Variants in EDA observed in about 807,000 individuals in gnomAD.
EDA encodes ectodysplasin-A.
EDA carries 2 observed loss-of-function variants against 23.6 expected under a neutral mutation model. That is an observed-to-expected ratio of 0.08 (90% confidence interval 0.03 to 0.27). EDA has a LOEUF of 0.27. Ranked by LOEUF, EDA falls within the 10% of genes least tolerant of loss-of-function variation. The pLI, the probability that EDA is intolerant of heterozygous loss-of-function variation, is 1.00. For missense variants in EDA, 229 were observed against 324.2 expected, an observed-to-expected ratio of 0.71 and a Z score of 2.26; for synonymous variants, 131 against 132.0, an observed-to-expected ratio of 0.99 and a Z score of 0.05.
chrX:69,962,560 T>G (rs1368322470), intron 2 of EDA, among the ~76,000 whole-genome samples: 2 of 111,171 alleles, frequency 1.8e-5, no homozygotes, highest in African/African-American at 6.5e-5. Flanking sequence ...GCCTCCCAAG[T>G]AGCTGGGATT....
chrX:69,892,759 CATGGTAACA>C (rs1229207443), intron 1 of EDA, among the ~76,000 whole-genome samples: 1 of 111,822 alleles, frequency 8.9e-6, no homozygotes, highest in Non-Finnish European at 1.9e-5. Flanking sequence ...TGCATTCTCA[CATGGTAACA>C]ATGGGCTGGA....
At chrX:69,738,836 T>C (rs1012128515) in intron 1 of EDA, among the ~76,000 whole-genome samples, 4 of 110,801 alleles carry the variant, frequency 3.6e-5, no homozygotes, top group African/African-American at 9.8e-5. Context: ...TTTTATTCCA[T>C]TGTAGTCAGA....
At chrX:69,892,268 T>G (rs1255312364) in intron 1 of EDA, among the ~76,000 whole-genome samples, 2 of 112,173 alleles carry the variant, frequency 1.8e-5, no homozygotes, top group Non-Finnish European at 3.8e-5. Context: ...TTGCTCTATG[T>G]AAACTAATAT....
chrX:69,636,632 G>GTT lies in EDA; in HGVS notation c.396+19944_396+19945dup, dbSNP rs200303089. Among the ~76,000 whole-genome samples the GTT allele has an allele frequency of 1.3e-3, 117 of 89,398 alleles. 1 individual carries two copies. The highest frequency in any genetic ancestry group is 3.3e-3 in the African/African-American group (81 of 24,647). The allele number at this position is 89,398 out of a possible 115,157, so 77.6% of individuals were successfully genotyped here. A position where few individuals can be genotyped will look rare whatever the true frequency, so the allele number is the denominator to read the frequency against. ...CCATAGGTGCTCAAACTGGTTCATG[G>GTT]TTTTTTTTTTTTTTTTTGATGCTCA... On this transcript the variant is annotated intron_variant, in intron 1 of 7. Transcript: ENST00000374552.
At chrX:69,785,213 A>G (rs2015114490) in intron 1 of EDA, among the ~76,000 whole-genome samples, 1 of 95,949 alleles carries the variant, frequency 1.0e-5, no homozygotes. Flanking sequence ...GGGGTTTTCT[A>G]GATATACAAT....
intron 1 of EDA, among the ~76,000 whole-genome samples, chrX:69,861,441 A>G (rs1024352263): frequency 2.7e-5 from 3 of 111,328 alleles, no homozygotes; most frequent in Non-Finnish European, 3.8e-5. Flanking sequence ...AAGTAATAGG[A>G]GTGAAGGGGA....
At chrX:69,642,121 G>T (rs1348780116) in intron 1 of EDA, among the ~76,000 whole-genome samples, 5 of 110,808 alleles carry the variant, frequency 4.5e-5, no homozygotes, top group Non-Finnish European at 7.6e-5. Context: ...GGAGGAAGAG[G>T]AGGAGGAGGA....
intron 1 of EDA, among the ~76,000 whole-genome samples, chrX:69,901,606 T>G (rs2018099779): frequency 8.9e-6 from 1 of 111,826 alleles, no homozygotes; most frequent in South Asian, 3.8e-4. Context: ...ATTAGGGCTA[T>G]TTGGGGTTCA....
chrX:69,866,721 C>T (rs2017491360), intron 1 of EDA, among the ~76,000 whole-genome samples: 3 of 111,782 alleles, frequency 2.7e-5, no homozygotes, highest in South Asian at 3.8e-4. Flanking sequence ...GCATTGTAAT[C>T]GTGACTTCAA....
rs760341941 is a variant in EDA, at chrX:69,873,434, A to G, written c.397-83593A>G. On this transcript the variant is annotated intron_variant, in intron 1 of 7. Coordinates refer to ENST00000374552, the MANE Select transcript of EDA (RefSeq NM_001399.5). ...AAATGAAATTGAAACAAACAAAAAA[A>G]ATACAAAAGATAAATGAAACAAAAA... Among the ~76,000 whole-genome samples the G allele has an allele frequency of 5.3e-5, 6 of 112,496 alleles. No homozygotes were observed. In the South Asian group the frequency reaches 1.8e-3, roughly 34 times the overall value.
chrX:69,981,361 T>A (rs2019405318), intron 2 of EDA, among the ~76,000 whole-genome samples: 1 of 111,971 alleles, frequency 8.9e-6, no homozygotes, highest in Admixed American at 9.5e-5. Context: ...GCAGGAAATG[T>A]TTAGTTTGCA....
intron 2 of EDA, among the ~76,000 whole-genome samples, chrX:69,970,010 G>A (rs1426487791): frequency 9.0e-6 from 1 of 111,085 alleles, no homozygotes; most frequent in East Asian, 2.8e-4. Flanking sequence ...AGAGGTTGAG[G>A]CAGGAGGATC....
At chrX:69,620,897 C>T in intron 1 of EDA, 1 of 381,624 alleles carries the variant, frequency 2.6e-6, no homozygotes, top group South Asian at 2.4e-5. Flanking sequence ...CTATAACAGG[C>T]CTGTTTTCCT....
intron 1 of EDA, among the ~76,000 whole-genome samples, chrX:69,750,708 C>T (rs185190078): frequency 2.9e-4 from 32 of 111,241 alleles, no homozygotes; most frequent in East Asian, 2.9e-4. Flanking sequence ...TTTTAATGAT[C>T]GCCATTCTAA....
chrX:69,768,674 G>A (rs921590673), intron 1 of EDA, among the ~76,000 whole-genome samples: 16 of 111,058 alleles, frequency 1.4e-4, no homozygotes, highest in Non-Finnish European at 3.8e-5. Context: ...ACTCATCTAG[G>A]TGCTTTACAT....
intron 2 of EDA, among the ~76,000 whole-genome samples, chrX:69,974,142 T>C (rs2019286081): frequency 9.1e-6 from 1 of 110,140 alleles, no homozygotes; most frequent in Admixed American, 9.8e-5. Flanking sequence ...AAAAGATTAC[T>C]TGAGTGGGTA....
intron 1 of EDA, among the ~76,000 whole-genome samples, chrX:69,639,372 C>T (rs770368448): frequency 6.3e-5 from 7 of 111,578 alleles, no homozygotes; most frequent in African/African-American, 9.8e-5. Context: ...GAATAATTTT[C>T]GCATTTTTAC....
intron 1 of EDA, among the ~76,000 whole-genome samples, chrX:69,784,632 T>A (rs2015086415): frequency 9.2e-6 from 1 of 108,212 alleles, no homozygotes; most frequent in Non-Finnish European, 1.9e-5. Context: ...GAGGGCTCTG[T>A]TCTGTTCCAT....
chrX:69,634,198 A>G (rs1417620108), intron 1 of EDA, among the ~76,000 whole-genome samples: 2 of 112,509 alleles, frequency 1.8e-5, no homozygotes, highest in African/African-American at 3.2e-5. Flanking sequence ...TCTAAATTGC[A>G]TTATATGCCT....
Sources: allele counts gnomAD v4.1 joint callset (sites outside exome capture counted in the v4.1 genomes callset), GRCh38; gene constraint gnomAD v4.1.1; transcripts MANE v1.5; gene names NCBI Gene and HGNC (gene_info 2026-07-23, HGNC 2026-07-21).